The following PLCB1 variants were observed in gnomAD, a reference collection of about 807,000 sequenced individuals.
PLCB1 encodes the protein 1-phosphatidylinositol 4,5-bisphosphate phosphodiesterase beta-1.
A neutral mutation model predicts 161.8 loss-of-function variants in PLCB1; 46 were observed. The observed-to-expected ratio is 0.28, with a 90% CI of 0.22 to 0.36. PLCB1 has a LOEUF of 0.36. Among genes scored for constraint, PLCB1 ranks in the 10% least tolerant of loss-of-function variants. The pLI is 1.00. For synonymous variants in PLCB1, 517 were observed against 503.7 expected (o/e 1.03, Z -0.35); for missense variants, 1,016 against 1,472.5 (o/e 0.69, Z 5.07).
intron 31 of PLCB1, among the ~76,000 whole-genome samples, chr20:8,864,753 A>G (rs1216589137): frequency 1.3e-5 from 2 of 152,182 alleles, no homozygotes; most frequent in East Asian, 1.9e-4. Flanking sequence ...ACTAGAACCT[A>G]GAAGATTTTT....
chr20:8,186,757 A>T (rs1009100891), intron 2 of PLCB1, among the ~76,000 whole-genome samples: 4 of 152,192 alleles, frequency 2.6e-5, no homozygotes, highest in African/African-American at 7.2e-5. Flanking sequence ...GGGGCAGCTG[A>T]CAGAGCCCTC....
intron 31 of PLCB1, among the ~76,000 whole-genome samples, chr20:8,813,071 A>T (rs1041811469): frequency 1.3e-5 from 2 of 152,222 alleles, no homozygotes; most frequent in African/African-American, 4.8e-5. Context: ...ACCTGATTTC[A>T]GGTTTCCTGG....
chr20:8,252,850 A>T (rs1981222492), intron 2 of PLCB1, among the ~76,000 whole-genome samples: 1 of 152,000 alleles, frequency 6.6e-6, no homozygotes, highest in Non-Finnish European at 1.5e-5. Flanking sequence ...TCAGTTCAAT[A>T]GGCTTGAGTT....
intron 31 of PLCB1, among the ~76,000 whole-genome samples, chr20:8,835,730 T>G (rs1986253378): frequency 6.6e-6 from 1 of 151,786 alleles, no homozygotes; most frequent in South Asian, 2.1e-4. Context: ...CCATACATAT[T>G]TCATGATTCC....
At chr20:8,167,473 T>C (rs899165766) in intron 2 of PLCB1, among the ~76,000 whole-genome samples, 1 of 152,246 alleles carries the variant, frequency 6.6e-6, no homozygotes, top group Non-Finnish European at 1.5e-5. Flanking sequence ...ATCACATAGC[T>C]ACCTGGTAAA....
chr20:8,450,144 AG>A (rs574618332), intron 3 of PLCB1, among the ~76,000 whole-genome samples: 2 of 152,268 alleles, frequency 1.3e-5, no homozygotes, highest in South Asian at 4.1e-4. Context: ...CATTTTTCCT[AG>A]GCTTCCTCCC....
intron 31 of PLCB1, chr20:8,802,517 G>T: frequency 4.4e-6 from 1 of 228,170 alleles, no homozygotes; most frequent in East Asian, 1.1e-4. Context: ...TTCCCACTTT[G>T]GAAACATTTT....
At chr20:8,246,868 A>G (rs191330539) in intron 2 of PLCB1, among the ~76,000 whole-genome samples, 1 of 151,776 alleles carries the variant, frequency 6.6e-6, no homozygotes, top group Admixed American at 6.6e-5. Flanking sequence ...GCTGAACTGA[A>G]TCTTTCCACT....
intron 3 of PLCB1, among the ~76,000 whole-genome samples, chr20:8,546,154 A>C (rs1985535296): frequency 6.8e-6 from 1 of 147,118 alleles, no homozygotes; most frequent in Non-Finnish European, 1.5e-5. Flanking sequence ...GTCTCTAATA[A>C]AAATACAAAA....
At chr20:8,367,719 A>G (rs990779156) in intron 2 of PLCB1, among the ~76,000 whole-genome samples, 3 of 152,224 alleles carry the variant, frequency 2.0e-5, no homozygotes, top group African/African-American at 7.2e-5. Flanking sequence ...GAAAGGGACC[A>G]TTTCACTGCT....
chr20:8,825,391 G>A (rs1985644039), intron 31 of PLCB1, among the ~76,000 whole-genome samples: 1 of 152,218 alleles, frequency 6.6e-6, no homozygotes, highest in Admixed American at 6.5e-5. Context: ...GCCAAAGGCT[G>A]AGTAGGAATT....
intron 3 of PLCB1, among the ~76,000 whole-genome samples, chr20:8,382,298 T>G (rs1419527341): frequency 2.0e-5 from 3 of 150,068 alleles, no homozygotes; most frequent in Non-Finnish European, 4.4e-5. Flanking sequence ...TTTTTTTTTT[T>G]TTGAGATGGA....
intron 27 of PLCB1, among the ~76,000 whole-genome samples, chr20:8,777,853 A>C (rs555092433): frequency 6.2e-4 from 94 of 152,224 alleles, no homozygotes; most frequent in African/African-American, 2.2e-3. Context: ...GGGAAGCCTC[A>C]CAGTCATGGC....
chr20:8,472,042 A>C (rs1982074934), intron 3 of PLCB1, among the ~76,000 whole-genome samples: 1 of 152,216 alleles, frequency 6.6e-6, no homozygotes, highest in African/African-American at 2.4e-5. Context: ...AAAGTATGCA[A>C]AATTTTTAAA....
At chr20:8,202,910 G>C (rs1978332806) in intron 2 of PLCB1, among the ~76,000 whole-genome samples, 1 of 152,120 alleles carries the variant, frequency 6.6e-6, no homozygotes, top group Admixed American at 6.6e-5. Flanking sequence ...ATTTGGTCTA[G>C]GCCTTGAAGA....
intron 23 of PLCB1, among the ~76,000 whole-genome samples, chr20:8,743,097 G>T (rs1470784207): frequency 6.6e-6 from 1 of 152,154 alleles, no homozygotes. Context: ...GAATAACAGT[G>T]GTGAAAGTGA....
intron 27 of PLCB1, among the ~76,000 whole-genome samples, chr20:8,781,929 A>T (rs1184092152): frequency 6.6e-6 from 1 of 152,146 alleles, no homozygotes; most frequent in Non-Finnish European, 1.5e-5. Flanking sequence ...GAATTATGGG[A>T]GCTACACGAT....
chr20:8,443,397 C>T (rs911832105), intron 3 of PLCB1, among the ~76,000 whole-genome samples: 2 of 152,084 alleles, frequency 1.3e-5, no homozygotes, highest in African/African-American at 4.8e-5. Context: ...TAGGGTGAGG[C>T]CCTGCTTTTT....
chr20:8,724,480 T>G (rs1979827049), intron 15 of PLCB1, among the ~76,000 whole-genome samples, 176 bp from the exon 16 acceptor site: 12 of 152,110 alleles, frequency 7.9e-5, no homozygotes, highest in Admixed American at 7.9e-4. Context: ...TCCCTCCCTT[T>G]TATAAAATGA....
Sources: gnomAD v4.1 joint callset for allele counts (sites outside exome capture counted in the v4.1 genomes callset) on GRCh38, gnomAD v4.1.1 for gene constraint, MANE v1.5 for transcripts, NCBI Gene and HGNC (gene_info 2026-07-23, HGNC 2026-07-21) for gene names.